The following ZMAT5 variants were observed in gnomAD, a reference collection of about 807,000 sequenced individuals.
The protein encoded by ZMAT5 is zinc finger matrin-type 5, also known as zinc finger matrin-type protein 5.
In ZMAT5, 23 loss-of-function variants were observed where a neutral mutation model predicts 28.0. The ratio of observed to expected loss-of-function variants is 0.82; its 90% CI spans 0.59 to 1.16. The LOEUF is 1.16. Among genes scored for constraint, ZMAT5 ranks in the 50% most tolerant of loss-of-function variants. The pLI is 0.00. For missense variants in ZMAT5, 173 were observed against 212.7 expected, an observed-to-expected ratio of 0.81 and a Z score of 1.16; for synonymous variants, 76 against 84.1, an observed-to-expected ratio of 0.90 and a Z score of 0.52.
At chr22:29,732,197 C>T (rs1225176319) in intron 5 of ZMAT5, among the ~76,000 whole-genome samples, 1 of 152,370 alleles carries the variant, frequency 6.6e-6, no homozygotes, top group East Asian at 1.9e-4. Context: ...GGCCGCATGG[C>T]CCTTCTCAGG....
intron 5 of ZMAT5, among the ~76,000 whole-genome samples, chr22:29,733,618 C>T (rs991952272): frequency 1.4e-4 from 22 of 152,198 alleles, no homozygotes; most frequent in African/African-American, 2.2e-4. Flanking sequence ...GGGGAGGCTC[C>T]GCAGTTGCTG....
At chr22:29,738,859 A>T (rs1358112655) in intron 4 of ZMAT5, among the ~76,000 whole-genome samples, 7 of 152,138 alleles carry the variant, frequency 4.6e-5, no homozygotes, top group Admixed American at 4.6e-4. Context: ...AAAATAAAAA[A>T]AATTAGCCAT....
At chr22:29,743,651 C>T (rs1206475741) in intron 2 of ZMAT5, among the ~76,000 whole-genome samples, 2 of 151,812 alleles carry the variant, frequency 1.3e-5, no homozygotes, top group East Asian at 1.9e-4. Flanking sequence ...AGGCTGGTCT[C>T]GAACTCCTGG....
At chr22:29,740,561 T>C in intron 4 of ZMAT5, 89 bp downstream of exon 4, 2 of 1,340,478 alleles carry the variant, frequency 1.5e-6, no homozygotes, top group South Asian at 2.6e-5. Context: ...GATGGGGAGA[T>C]AGGGAGGCAT....
At chr22:29,763,292 C>CAATAAATAAATAAATA (rs201954354) in intron 1 of ZMAT5, among the ~76,000 whole-genome samples, 26,533 of 140,346 alleles carry the variant, frequency 0.19, 3,094 homozygotes, top group East Asian at 0.42. Flanking sequence ...GACTCTGCCT[C>CAATAAATAAATAAATA]AATAAATAAA....
chr22:29,736,234 C>A (rs1369870086), intron 5 of ZMAT5, among the ~76,000 whole-genome samples: 1 of 152,196 alleles, frequency 6.6e-6, no homozygotes, highest in Non-Finnish European at 1.5e-5. Context: ...AGCAACCAGT[C>A]CCAAAGGAGG....
intron 1 of ZMAT5, among the ~76,000 whole-genome samples, chr22:29,755,366 G>GGAGGGAGGGAGGGAGGGAGGGA (rs1332079850): frequency 2.7e-5 from 2 of 74,586 alleles, no homozygotes; most frequent in Non-Finnish European, 5.1e-5. Context: ...AGGGAGGGAG[G>GGAGGGAGGGAGGGAGGGAGGGA]GGGAGAGAGA....
chr22:29,742,385 C>T, intron 3 of ZMAT5, 33 bp downstream of exon 3: 1 of 1,609,908 alleles, frequency 6.2e-7, no homozygotes, highest in Non-Finnish European at 8.5e-7. Flanking sequence ...TCGCAGGTCC[C>T]CGCAGGGACC....
chr22:29,760,887 T>C (rs1350870948), intron 1 of ZMAT5, among the ~76,000 whole-genome samples: 1 of 152,196 alleles, frequency 6.6e-6, no homozygotes, highest in Non-Finnish European at 1.5e-5. Flanking sequence ...CTGGAAAGTT[T>C]AGAATTAAAA....
chr22:29,758,469 T>C (rs977431746), intron 1 of ZMAT5, among the ~76,000 whole-genome samples: 1 of 152,014 alleles, frequency 6.6e-6, no homozygotes, highest in Admixed American at 6.6e-5. Flanking sequence ...TTTGTTTTTT[T>C]TAAATTAGCT....
At chr22:29,736,713 C>T (rs751150503) in intron 5 of ZMAT5, among the ~76,000 whole-genome samples, 2 of 106,946 alleles carry the variant, frequency 1.9e-5, no homozygotes, top group African/African-American at 3.9e-5. Flanking sequence ...GAGCGAGACT[C>T]CATCTCAAAA....
chr22:29,759,547 T>C (rs979408766), intron 1 of ZMAT5, among the ~76,000 whole-genome samples: 1 of 152,170 alleles, frequency 6.6e-6, no homozygotes, highest in African/African-American at 2.4e-5. Context: ...GGCAGATCAG[T>C]TGAGGTCACG....
chr22:29,764,224 C>T (rs1433436993), intron 1 of ZMAT5, among the ~76,000 whole-genome samples: 2 of 152,194 alleles, frequency 1.3e-5, no homozygotes, highest in East Asian at 1.9e-4. Context: ...TCTCCCTCCT[C>T]TGAACTTCCC....
intron 3 of ZMAT5, among the ~76,000 whole-genome samples, chr22:29,742,209 T>C (rs2147221938): frequency 6.6e-6 from 1 of 152,344 alleles, no homozygotes; most frequent in Middle Eastern, 3.4e-3. Flanking sequence ...TATAATCACA[T>C]TCTAGATCTG....
intron 1 of ZMAT5, among the ~76,000 whole-genome samples, chr22:29,760,093 C>T (rs941460906): frequency 6.6e-6 from 1 of 151,898 alleles, no homozygotes; most frequent in Non-Finnish European, 1.5e-5. Context: ...CCCTGCTACT[C>T]GAAAGGCTGA....
At chr22:29,731,552 T>G in intron 5 of ZMAT5, 198 bp from the exon 6 acceptor site, 1 of 593,426 alleles carries the variant, frequency 1.7e-6, no homozygotes, top group Non-Finnish European at 2.7e-6. Flanking sequence ...CCCAAGGAAA[T>G]AGCGGGGTTG....
Position 29,738,325 on chromosome 22 carries a change from T to C in ZMAT5, c.383+5A>G. The C allele has an allele frequency of 1.9e-6, 3 of 1,607,966 alleles. No homozygotes were observed. The highest frequency in any genetic ancestry group is 2.5e-6 in the Non-Finnish European group (3 of 1,179,524). On this transcript the variant is annotated splice_donor_5th_base_variant and intron_variant, in intron 5 of 5. Coordinates refer to ENST00000344318, the MANE Select transcript of ZMAT5 (RefSeq NM_001003692.2). ...ACAGCGGGAGGGAACCCTGGGGACC[T>C]GTACCTGCTACTTGGGGCTGAGCTC...
Position 29,731,083 on chromosome 22 carries a change from T to G in ZMAT5, c.*142A>C, listed in dbSNP as rs1016811442. ...GCAGACCCAGGACGAGGGCTGCACTTGGTGTGGCCGTGTCCTGAGCCTCAG... is the reference window on the plus strand; with the variant it reads ...GCAGACCCAGGACGAGGGCTGCACTGGGTGTGGCCGTGTCCTGAGCCTCAG... On this transcript the variant is annotated 3_prime_UTR_variant, in exon 6 of 6. Coordinates refer to ENST00000344318, the MANE Select transcript of ZMAT5 (RefSeq NM_001003692.2). 8 of 864,522 alleles carry G rather than the reference T, an allele frequency of 9.3e-6. No individual in the cohort carries two copies. The African/African-American group carries it at 1.4e-4, about 15-fold the overall frequency. 53.6% of individuals were successfully genotyped at this position (864,522 alleles called of 1,614,324 possible). A position where few individuals can be genotyped will look rare whatever the true frequency, so the allele number is the denominator to read the frequency against.
chr22:29,748,489 TG>T lies in ZMAT5; in HGVS notation c.55del (p.His19ThrfsTer7), dbSNP rs764026404. The T allele has an allele frequency of 6.2e-7, 1 of 1,614,250 alleles. No homozygotes were observed. The highest frequency in any genetic ancestry group is 8.5e-7 in the Non-Finnish European group (1 of 1,180,042). On this transcript the variant is annotated frameshift_variant, in exon 2 of 6. Transcript: ENST00000344318. LOFTEE classifies it high-confidence loss of function. ...CCCGTTCAGGTGCTTCTTGCGGTTG[TG>T]GAGGTTGTCCTGGAAGGAGCGGTCG... ...YCDRSFQDNL[H>X]NRKKHLNGLQ...
Sources: gnomAD v4.1 joint callset for allele counts (sites outside exome capture counted in the v4.1 genomes callset) on GRCh38, gnomAD v4.1.1 for gene constraint, MANE v1.5 for transcripts, NCBI Gene and HGNC (gene_info 2026-07-23, HGNC 2026-07-21) for gene names.